The following TGDS variants were observed in gnomAD, a reference collection of about 807,000 sequenced individuals.
The protein encoded by TGDS is TDP-glucose 4,6-dehydratase.
Under a neutral mutation model 52.3 loss-of-function variants are expected in TGDS, and 47 were observed. That is an observed-to-expected ratio of 0.90 (90% CI 0.71 to 1.15). TGDS has a LOEUF of 1.15. TGDS is among the 50% of genes most tolerant of loss of function. The pLI, the probability that TGDS is intolerant of heterozygous loss-of-function variation, is 0.00. For synonymous variants in TGDS, 115 were observed against 136.9 expected, an observed-to-expected ratio of 0.84 and a Z score of 1.12; for missense variants, 375 against 418.4, an observed-to-expected ratio of 0.90 and a Z score of 0.90.
At chr13:94,584,342 T>C (rs1233665763) in intron 4 of TGDS, among the ~76,000 whole-genome samples, 3 of 152,276 alleles carry the variant, frequency 2.0e-5, no homozygotes, top group African/African-American at 7.2e-5. Context: ...CCTGGTGTCC[T>C]TAAAAGAAGA....
intron 8 of TGDS, 46 bp from the exon 9 acceptor site, chr13:94,578,216 A>T (rs766524790): frequency 6.3e-7 from 1 of 1,585,436 alleles, no homozygotes; most frequent in Non-Finnish European, 8.6e-7. Flanking sequence ...AAAAAGGTAA[A>T]CTCTCCTAAA....
rs112401682 is a variant in TGDS, at chr13:94,583,372, A to T, written c.314-136T>A. 7,910 of 803,834 alleles carry T rather than the reference A, an allele frequency of 9.8e-3. 455 individuals carry two copies. The African/African-American group carries it at 0.12, about 13-fold the overall frequency. 49.8% of individuals were successfully genotyped at this position (803,834 alleles called of 1,614,324 possible). ...CAGCTGCAAGAGTTATAATAATAAC[A>T]TACACAGGCAGTCATATTTATGATT... On this transcript the variant is annotated intron_variant, in intron 4 of 11. Transcript: ENST00000261296.
At chr13:94,589,516 G>A (rs984849229) in intron 4 of TGDS, among the ~76,000 whole-genome samples, 2 of 151,884 alleles carry the variant, frequency 1.3e-5, no homozygotes, top group East Asian at 1.9e-4. Flanking sequence ...GGGTTTCACC[G>A]TGTTAGCCAG....
rs531772164 is a variant in TGDS at position 94,575,481 on chromosome 13, G to A, written c.983-629C>T. Among the ~76,000 whole-genome samples the A allele has an allele frequency of 2.8e-4, 42 of 151,600 alleles. 1 individual carries two copies. In the South Asian group the frequency reaches 4.0e-3, roughly 14 times the overall value. On this transcript the variant is annotated intron_variant, in intron 11 of 11. Transcript: ENST00000261296. ...ATTTTTTTACTTTTTGTAGAGACAG[G>A]GTCTCGCTATATTTCCCAGGCTGGT...
intron 7 of TGDS, 157 bp downstream of exon 7, chr13:94,579,722 CAAGTTTTCAAACTCT>C: frequency 2.1e-6 from 1 of 480,536 alleles, no homozygotes; most frequent in African/African-American, 2.0e-5. Flanking sequence ...ACTTAAAACT[CAAGTTTTCAAACTCT>C]AAGTCTGAAG....
chr13:94,580,184 C>A (rs1042414917), intron 6 of TGDS, among the ~76,000 whole-genome samples: 1 of 152,014 alleles, frequency 6.6e-6, no homozygotes, highest in African/African-American at 2.4e-5. Context: ...TTTATTAGTA[C>A]AAGAAGATAA....
chr13:94,581,499 C>A (rs1259446212), intron 5 of TGDS, among the ~76,000 whole-genome samples: 1 of 152,110 alleles, frequency 6.6e-6, no homozygotes, highest in Non-Finnish European at 1.5e-5. Flanking sequence ...AAGGCCATAC[C>A]CTTGAAGGCC....
chr13:94,574,380 CTA>C lies in TGDS; in HGVS notation c.*400_*401del. Reference sequence around the variant, plus strand: ...TAAAAAAGAAATGGTGAATTAGGGCCTAAGACATCCTATATTGCCTAAAAACG... The same window carrying C: ...TAAAAAAGAAATGGTGAATTAGGGCCAGACATCCTATATTGCCTAAAAACG... On this transcript the variant is annotated 3_prime_UTR_variant, in exon 12 of 12. Coordinates refer to ENST00000261296, the MANE Select transcript of TGDS (RefSeq NM_014305.4). 1 of 157,528 alleles carries C rather than the reference CTA, an allele frequency of 6.3e-6. No homozygotes were observed. The allele number at this position is 157,528 out of a possible 1,614,324, so 9.8% of individuals were successfully genotyped here.
rs1889230138 is a variant in TGDS, at chr13:94,592,328, A to G, written c.154-19T>C. The stretch of plus-strand genomic sequence containing the variant: ...AATCCAGCTTGAAAGAAGAGAGCAC[A>G]GAAGGGGCAACACAAAAAGTGACAT... On this transcript the variant is annotated intron_variant, in intron 2 of 11. Coordinates refer to ENST00000261296, the MANE Select transcript of TGDS (RefSeq NM_014305.4). 1.3e-6 allele frequency: 2 copies of G among 1,580,018 alleles called. No homozygotes were observed. Among genetic ancestry groups the G allele is most frequent in the Non-Finnish European group, 1.7e-6 (2 of 1,168,658 alleles).
chr13:94,587,866 G>C (rs950729518), intron 4 of TGDS, among the ~76,000 whole-genome samples: 11 of 151,232 alleles, frequency 7.3e-5, no homozygotes, highest in Non-Finnish European at 1.5e-4. Flanking sequence ...GTGTGGTGGC[G>C]GGCGCCTGTA....
chr13:94,576,285 G>T, intron 11 of TGDS, 29 bp downstream of exon 11: 2 of 1,466,694 alleles, frequency 1.4e-6, no homozygotes, highest in Non-Finnish European at 9.3e-7. Context: ...TTTCTGACTT[G>T]CCCCCAAAAT....
At chr13:94,589,228 T>G (rs1889104636) in intron 4 of TGDS, among the ~76,000 whole-genome samples, 1 of 151,870 alleles carries the variant, frequency 6.6e-6, no homozygotes, top group Non-Finnish European at 1.5e-5. Context: ...CCTGAATATA[T>G]AAAAACTCTA....
intron 2 of TGDS, among the ~76,000 whole-genome samples, chr13:94,592,758 T>C (rs1889249549): frequency 6.6e-6 from 1 of 152,002 alleles, no homozygotes; most frequent in African/African-American, 2.4e-5. Context: ...TTTTTACACA[T>C]TTTAAGTTTC....
At chr13:94,594,027 A>G (rs1889292490) in intron 1 of TGDS, 120 bp from the exon 2 acceptor site, 2 of 616,322 alleles carry the variant, frequency 3.2e-6, no homozygotes, top group Non-Finnish European at 5.6e-6. Context: ...TTTTTCTAAG[A>G]TAACAGAAAA....
At chr13:94,591,247 C>CT (rs889630932) in intron 3 of TGDS, among the ~76,000 whole-genome samples, 5 of 152,126 alleles carry the variant, frequency 3.3e-5, no homozygotes, top group African/African-American at 1.2e-4. Flanking sequence ...TAATACAAAA[C>CT]TTTTTTTAGC....
chr13:94,578,302 T>C (rs1314530231), intron 8 of TGDS, 132 bp from the exon 9 acceptor site: 1 of 903,884 alleles, frequency 1.1e-6, no homozygotes, highest in East Asian at 2.7e-5. Context: ...AAATACAAAT[T>C]CTCGTAGCTT....
At chr13:94,580,958 T>C in intron 6 of TGDS, 133 bp downstream of exon 6, 3 of 499,026 alleles carry the variant, frequency 6.0e-6, no homozygotes, top group Non-Finnish European at 6.6e-6. Context: ...GAGTGTCAGA[T>C]TGCGACTGTC....
chr13:94,591,958 G>C (rs1023392919), intron 3 of TGDS, among the ~76,000 whole-genome samples: 4 of 152,178 alleles, frequency 2.6e-5, no homozygotes, highest in East Asian at 1.9e-4. Context: ...CCTTCATAGG[G>C]AAAGACTAGG....
chr13:94,586,095 T>G (rs1031116132), intron 4 of TGDS, among the ~76,000 whole-genome samples: 1 of 152,076 alleles, frequency 6.6e-6, no homozygotes, highest in African/African-American at 2.4e-5. Flanking sequence ...ATTCTTTTTT[T>G]TAAAAAAAGT....
Sources: allele counts gnomAD v4.1 joint callset (sites outside exome capture counted in the v4.1 genomes callset), GRCh38; gene constraint gnomAD v4.1.1; transcripts MANE v1.5; gene names NCBI Gene and HGNC (gene_info 2026-07-23, HGNC 2026-07-21).